The following SLA variants were observed in gnomAD, a reference collection of about 807,000 sequenced individuals.
SLA encodes the protein Src like adaptor, also known as src-like-adapter.
In SLA, 16 loss-of-function variants were observed where a neutral mutation model predicts 30.3. The ratio of observed to expected loss-of-function variants is 0.53; its 90% CI spans 0.36 to 0.80. The LOEUF (loss-of-function observed/expected upper bound fraction) is 0.80. Ranked by LOEUF, SLA falls within the 30% of genes least tolerant of loss-of-function variation. The pLI is 0.01. For missense variants in SLA, 310 were observed against 345.2 expected (o/e 0.90, Z 0.81); for synonymous variants, 143 against 137.8 (o/e 1.04, Z -0.26).
chr8:133,095,405 C>A (rs1848259585), intron 1 of SLA, among the ~76,000 whole-genome samples: 1 of 152,208 alleles, frequency 6.6e-6, no homozygotes, highest in South Asian at 2.1e-4. Context: ...AACATGGGCA[C>A]TGAGGGTAGA....
intron 1 of SLA, among the ~76,000 whole-genome samples, chr8:133,090,359 T>G (rs558501989): frequency 6.6e-6 from 1 of 152,330 alleles, no homozygotes; most frequent in South Asian, 2.1e-4. Flanking sequence ...AATTTCTCCC[T>G]GAAAAGACAT....
intron 1 of SLA, among the ~76,000 whole-genome samples, chr8:133,094,244 T>TTC (rs1360725006): frequency 5.7e-4 from 22 of 38,372 alleles, no homozygotes; most frequent in Non-Finnish European, 1.2e-3. Flanking sequence ...GTCGTTTTCT[T>TTC]TTTTTTTTTT....
chr8:133,083,672 ATCTC>A (rs1385105206), intron 1 of SLA, among the ~76,000 whole-genome samples: 4 of 152,036 alleles, frequency 2.6e-5, no homozygotes, highest in African/African-American at 9.7e-5. Flanking sequence ...AAAGCCCATG[ATCTC>A]TCTATTTTTT....
intron 1 of SLA, chr8:133,095,090 C>T: frequency 6.2e-7 from 1 of 1,614,178 alleles, no homozygotes; most frequent in Non-Finnish European, 8.5e-7. Flanking sequence ...CATGAGAGGG[C>T]TCAGCAGCAG....
chr8:133,080,938 A>G (rs1000642053), intron 1 of SLA, among the ~76,000 whole-genome samples: 8 of 152,230 alleles, frequency 5.3e-5, no homozygotes, highest in Admixed American at 2.6e-4. Context: ...TCAGAAGGCC[A>G]CTTGGTGTTT....
At chr8:133,066,783 T>C (rs1470408874) in intron 2 of SLA, among the ~76,000 whole-genome samples, 1 of 152,166 alleles carries the variant, frequency 6.6e-6, no homozygotes, top group Non-Finnish European at 1.5e-5. Context: ...TGGGGTTGTT[T>C]TGAGGTTGAA....
intron 2 of SLA, among the ~76,000 whole-genome samples, chr8:133,072,678 A>G (rs1844244553): frequency 6.6e-6 from 1 of 152,268 alleles, no homozygotes; most frequent in Admixed American, 6.5e-5. Flanking sequence ...ATTTAGGTGC[A>G]CTAGAATGAA....
At chr8:133,048,377 C>T (rs922563668) in intron 5 of SLA, among the ~76,000 whole-genome samples, 4 of 152,124 alleles carry the variant, frequency 2.6e-5, no homozygotes, top group South Asian at 2.1e-4. Context: ...TGCACCACCA[C>T]GTCTGGCAAC....
chr8:133,094,849 C>T, intron 1 of SLA: 1 of 715,234 alleles, frequency 1.4e-6, no homozygotes, highest in Admixed American at 2.1e-5. Context: ...AGAGAGACAT[C>T]TTCAGTATCA....
At chr8:133,069,028 T>A (rs1843540754) in intron 2 of SLA, among the ~76,000 whole-genome samples, 1 of 152,232 alleles carries the variant, frequency 6.6e-6, no homozygotes, top group South Asian at 2.1e-4. Flanking sequence ...ATTATTTTAA[T>A]CCTAGCCATT....
chr8:133,052,067 A>C (rs531389291), intron 3 of SLA, among the ~76,000 whole-genome samples: 40 of 152,256 alleles, frequency 2.6e-4, no homozygotes, highest in Non-Finnish European at 5.1e-4. Flanking sequence ...AAATCCCAGT[A>C]CTCAGGCATG....
rs375262917 is a variant in SLA, at chr8:133,047,869, C to T, written c.313G>A (p.Val105Ile). Residue 105 changes from valine to isoleucine, a missense_variant, in exon 6 of 9, where the codon GTC (valine) becomes ATC (isoleucine). Val to Ile is a conservative substitution (Grantham distance 29). Transcript: ENST00000338087. ...EELLQLPDTK[V>I]GSFMIRESET... ...CTCTCTCTGATCATGAAGGAGCCGA[C>T]CTTTGTGTCTGGCAGCTGCAGCAGC... The T allele has an allele frequency of 5.0e-6, 8 of 1,612,484 alleles. No homozygotes were observed. In the South Asian group the frequency reaches 7.7e-5, roughly 15 times the overall value.
chr8:133,068,498 T>C (rs1387552712), intron 2 of SLA, among the ~76,000 whole-genome samples: 1 of 152,264 alleles, frequency 6.6e-6, no homozygotes. Flanking sequence ...TTCCATTCTT[T>C]ATTAAGTCAC....
chr8:133,067,353 C>G (rs1412386892), intron 2 of SLA, among the ~76,000 whole-genome samples: 1 of 152,144 alleles, frequency 6.6e-6, no homozygotes, highest in Non-Finnish European at 1.5e-5. Flanking sequence ...CTGCGGCATA[C>G]CAGGGGCTCT....
At chr8:133,077,365 G>T (rs983774401) in intron 1 of SLA, among the ~76,000 whole-genome samples, 1 of 152,284 alleles carries the variant, frequency 6.6e-6, no homozygotes, top group South Asian at 2.1e-4. Flanking sequence ...GGTCAGGGCC[G>T]CAGGCTCTTC....
intron 2 of SLA, among the ~76,000 whole-genome samples, chr8:133,062,340 C>A (rs1842482637): frequency 1.3e-5 from 2 of 152,228 alleles, no homozygotes; most frequent in African/African-American, 4.8e-5. Context: ...GATACATTGG[C>A]CTTGTCTCCA....
intron 1 of SLA, among the ~76,000 whole-genome samples, chr8:133,079,633 C>T (rs1262225493): frequency 6.6e-6 from 1 of 152,192 alleles, no homozygotes; most frequent in African/African-American, 2.4e-5. Flanking sequence ...GTCAGAGTCA[C>T]AGCTTGGTCC....
chr8:133,078,566 C>T (rs532589698), intron 1 of SLA, among the ~76,000 whole-genome samples: 1 of 152,194 alleles, frequency 6.6e-6, no homozygotes, highest in Non-Finnish European at 1.5e-5. Flanking sequence ...ATTTTGTGCT[C>T]CATACATTCA....
At chr8:133,058,190 TAGAAG>T (rs1308357832) in intron 3 of SLA, among the ~76,000 whole-genome samples, 1 of 152,014 alleles carries the variant, frequency 6.6e-6, no homozygotes, top group African/African-American at 2.4e-5. Flanking sequence ...CTCAAGTAGG[TAGAAG>T]AGAAAAGAGG....
Sources: allele counts gnomAD v4.1 joint callset (sites outside exome capture counted in the v4.1 genomes callset), GRCh38; gene constraint gnomAD v4.1.1; transcripts MANE v1.5; gene names NCBI Gene and HGNC (gene_info 2026-07-23, HGNC 2026-07-21).